The following ANGPT4 variants were observed in gnomAD, a reference collection of about 807,000 sequenced individuals.
ANGPT4 encodes angiopoietin-4.
Under a neutral mutation model 53.0 loss-of-function variants are expected in ANGPT4, and 50 were observed. The observed-to-expected ratio is 0.94, with a 90% CI of 0.75 to 1.20. The LOEUF is 1.20. Among genes scored for constraint, ANGPT4 ranks in the 50% most tolerant of loss-of-function variants. ANGPT4 has a pLI of 0.00. For missense variants in ANGPT4, 648 were observed against 637.1 expected, an observed-to-expected ratio of 1.02 and a Z score of -0.18; for synonymous variants, 251 against 259.7, an observed-to-expected ratio of 0.97 and a Z score of 0.32.
chr20:913,519 C>G (rs1385760903), intron 1 of ANGPT4, among the ~76,000 whole-genome samples: 1 of 152,184 alleles, frequency 6.6e-6, no homozygotes, highest in Non-Finnish European at 1.5e-5. Context: ...AATTTTCAGG[C>G]TAGGTGAATG....
Position 874,216 on chromosome 20 carries a change from G to A in ANGPT4, c.1351+68C>T, listed in dbSNP as rs1008638921. On this transcript the variant is annotated intron_variant, in intron 8 of 8. Coordinates refer to ENST00000381922, the MANE Select transcript of ANGPT4 (RefSeq NM_015985.4). ...GCACCTGGGCGCACAAGAACCTGGG[G>A]AGGGAATGGGAGTGTCAATCTGGGT... 1.9e-6 allele frequency: 3 copies of A among 1,592,934 alleles called. No homozygotes were observed. In the African/African-American group the frequency reaches 4.0e-5, roughly 21 times the overall value.
chr20:904,355 T>A (rs1982399454), intron 1 of ANGPT4, among the ~76,000 whole-genome samples: 1 of 152,220 alleles, frequency 6.6e-6, no homozygotes, highest in Non-Finnish European at 1.5e-5. Flanking sequence ...GGCTTCCTTT[T>A]GCTTAACATT....
At chr20:898,017 T>A (rs1982122947) in intron 1 of ANGPT4, among the ~76,000 whole-genome samples, 2 of 152,206 alleles carry the variant, frequency 1.3e-5, no homozygotes. Flanking sequence ...GTGCCTGATG[T>A]CCAGGCATTC....
intron 1 of ANGPT4, among the ~76,000 whole-genome samples, chr20:905,596 G>T (rs535930693): frequency 2.0e-5 from 3 of 152,288 alleles, no homozygotes; most frequent in South Asian, 4.2e-4. Context: ...GGAGGGGCAG[G>T]AAGGAGGGTT....
intron 1 of ANGPT4, among the ~76,000 whole-genome samples, chr20:900,409 C>T (rs186323681): frequency 2.0e-5 from 3 of 152,186 alleles, no homozygotes; most frequent in Non-Finnish European, 2.9e-5. Flanking sequence ...ACCTTTAGTA[C>T]TCCTTCTCAT....
rs1387073359 is a variant in ANGPT4, at chr20:885,237, T to G, written c.676A>C (p.Thr226Pro). The G allele has an allele frequency of 4.4e-6, 7 of 1,585,680 alleles. No homozygotes were observed. The highest frequency in any genetic ancestry group is 6.0e-6 in the Non-Finnish European group (7 of 1,165,864). The stretch of plus-strand genomic sequence containing the variant: ...AGGGCGGCGCTCTGGCGGCTCAGCG[T>G]GTTCAGCAGCTTCGCCTTCTTGCTG... ...ILSKKAKLLN[T>P]LSRQSAALTN... Residue 226 changes from threonine (T) to proline (P), a missense_variant, in exon 4 of 9, where the codon ACG becomes CCG. Transcript: ENST00000381922.
intron 7 of ANGPT4, among the ~76,000 whole-genome samples, chr20:876,000 C>T (rs1400860917): frequency 2.0e-5 from 3 of 151,890 alleles, no homozygotes; most frequent in African/African-American, 7.3e-5. Flanking sequence ...CATGGTGGTG[C>T]ATGCCTGTAA....
chr20:915,082 C>G (rs1022165812), intron 1 of ANGPT4, among the ~76,000 whole-genome samples: 2 of 152,204 alleles, frequency 1.3e-5, no homozygotes, highest in South Asian at 4.1e-4. Flanking sequence ...ATGGCTGCAG[C>G]GGCCACCTCT....
At chr20:888,907 T>C (rs1024952613) in intron 2 of ANGPT4, among the ~76,000 whole-genome samples, 1 of 152,200 alleles carries the variant, frequency 6.6e-6, no homozygotes, top group Non-Finnish European at 1.5e-5. Context: ...GTAGCGGAAA[T>C]GCCCCAGTTC....
At chr20:883,052 A>C (rs548285597) in intron 4 of ANGPT4, among the ~76,000 whole-genome samples, 15 of 152,374 alleles carry the variant, frequency 9.8e-5, no homozygotes, top group Middle Eastern at 3.4e-3. Context: ...TTTTGTATGC[A>C]TGAACTCATC....
At chr20:906,518 A>T (rs191066848) in intron 1 of ANGPT4, among the ~76,000 whole-genome samples, 1 of 152,368 alleles carries the variant, frequency 6.6e-6, no homozygotes, top group East Asian at 1.9e-4. Flanking sequence ...TTTTAGGGTA[A>T]TTTGTTATGC....
At chr20:882,253 A>G (rs1981437669) in intron 4 of ANGPT4, among the ~76,000 whole-genome samples, 1 of 152,190 alleles carries the variant, frequency 6.6e-6, no homozygotes, top group Non-Finnish European at 1.5e-5. Flanking sequence ...TTGACAAACA[A>G]AGTGCAGAGA....
intron 1 of ANGPT4, among the ~76,000 whole-genome samples, chr20:898,138 T>C (rs1051118889): frequency 6.6e-6 from 1 of 152,258 alleles, no homozygotes; most frequent in East Asian, 1.9e-4. Context: ...TCTGAGTCCT[T>C]TGAATCCTTC....
intron 1 of ANGPT4, among the ~76,000 whole-genome samples, 185 bp from the exon 2 acceptor site, chr20:890,553 G>A (rs1568839634): frequency 6.6e-6 from 1 of 152,138 alleles, no homozygotes; most frequent in Non-Finnish European, 1.5e-5. Flanking sequence ...TCCCTGGGAG[G>A]GATTTATATG....
At chr20:906,771 C>T (rs1450050236) in intron 1 of ANGPT4, among the ~76,000 whole-genome samples, 1 of 152,200 alleles carries the variant, frequency 6.6e-6, no homozygotes, top group Admixed American at 6.5e-5. Flanking sequence ...CAGCTGGGCC[C>T]AAGCCTTCCT....
intron 7 of ANGPT4, among the ~76,000 whole-genome samples, chr20:876,529 C>T (rs1981178472): frequency 6.6e-6 from 1 of 152,232 alleles, no homozygotes. Flanking sequence ...GCGTTTACTA[C>T]ATGCCAGGCA....
intron 1 of ANGPT4, among the ~76,000 whole-genome samples, chr20:905,472 C>G (rs1428060668): frequency 6.6e-6 from 1 of 152,098 alleles, no homozygotes; most frequent in Non-Finnish European, 1.5e-5. Context: ...CCAGGCCCAG[C>G]CACTGCTGGA....
intron 2 of ANGPT4, 102 bp from the exon 3 acceptor site, chr20:888,541 C>T: frequency 6.7e-7 from 1 of 1,496,934 alleles, no homozygotes; most frequent in South Asian, 1.3e-5. Flanking sequence ...AGAAACTTAC[C>T]CATTTCCACT....
At chr20:873,191 T>C in intron 8 of ANGPT4, 71 bp from the exon 9 acceptor site, 1 of 1,401,272 alleles carries the variant, frequency 7.1e-7, no homozygotes. Context: ...GCAGCCCCTG[T>C]GTCCCAAAGA....
Sources: allele counts gnomAD v4.1 joint callset (sites outside exome capture counted in the v4.1 genomes callset), GRCh38; gene constraint gnomAD v4.1.1; transcripts MANE v1.5; gene names NCBI Gene and HGNC (gene_info 2026-07-23, HGNC 2026-07-21).